The following RERE variants were observed in gnomAD, a reference collection of about 807,000 sequenced individuals.
RERE encodes the protein arginine-glutamic acid dipeptide repeats protein.
In RERE, 40 loss-of-function variants were observed where a neutral mutation model predicts 146.1. The observed-to-expected ratio is 0.27, with a 90% CI of 0.21 to 0.36. The LOEUF is 0.36. Ranked by LOEUF, RERE falls within the 10% of genes least tolerant of loss-of-function variation. The pLI, the probability that RERE is intolerant of heterozygous loss-of-function variation, is 1.00. For missense variants in RERE, 1,933 were observed against 2,138.7 expected, an observed-to-expected ratio of 0.90 and a Z score of 1.90; for synonymous variants, 1,003 against 866.0, an observed-to-expected ratio of 1.16 and a Z score of -2.78.
chr1:8,602,391 A>C (rs1469215962), intron 4 of RERE, among the ~76,000 whole-genome samples: 1 of 24,336 alleles, frequency 4.1e-5, no homozygotes, highest in Non-Finnish European at 1.0e-4. Flanking sequence ...ACTCCATCTC[A>C]AAAAAAAAAA....
intron 8 of RERE, among the ~76,000 whole-genome samples, chr1:8,502,463 T>TGGG (rs1321278952): frequency 8.9e-6 from 1 of 112,318 alleles, no homozygotes; most frequent in Non-Finnish European, 1.8e-5. Flanking sequence ...GGGAGGGTGG[T>TGGG]GGGGGGGTCA....
intron 6 of RERE, among the ~76,000 whole-genome samples, chr1:8,549,147 C>T (rs1645902833): frequency 6.6e-6 from 1 of 152,154 alleles, no homozygotes; most frequent in South Asian, 2.1e-4. Context: ...AGTAGTAACA[C>T]ACATGCCTAA....
At chr1:8,377,476 T>C (rs1031118179) in intron 12 of RERE, among the ~76,000 whole-genome samples, 1 of 152,232 alleles carries the variant, frequency 6.6e-6, no homozygotes, top group Non-Finnish European at 1.5e-5. Flanking sequence ...CACTTCATTA[T>C]TTCCTGAATT....
At position 8,361,805 on chromosome 1, in the gene RERE, C is replaced by T. The variant is rs768030557; in HGVS notation, c.1974G>A (p.Thr658=). ...TGGAGCTGGTCCTGTCAGCCTCCTCCGTATCAGAGGCCACCTTCTCCCGCT... is the reference window on the plus strand; with the variant it reads ...TGGAGCTGGTCCTGTCAGCCTCCTCTGTATCAGAGGCCACCTTCTCCCGCT... The part of the protein sequence containing the change: ...KRQREKVASD[T]EEADRTSSKK... Residue 658 remains threonine, a synonymous_variant, in exon 17 of 23, where the codon ACG becomes ACA. Transcript: ENST00000400908. 5.6e-6 allele frequency: 9 copies of T among 1,614,064 alleles called. No individual in the cohort carries two copies. The highest frequency in any genetic ancestry group is 2.2e-5 in the East Asian group (1 of 44,884).
At chr1:8,642,922 T>C (rs1214340749) in intron 2 of RERE, among the ~76,000 whole-genome samples, 1 of 152,134 alleles carries the variant, frequency 6.6e-6, no homozygotes, top group Non-Finnish European at 1.5e-5. Context: ...AGCACTCACA[T>C]CTAGCAGCTA....
chr1:8,686,935 A>G (rs1380511024), intron 1 of RERE, among the ~76,000 whole-genome samples: 4 of 152,202 alleles, frequency 2.6e-5, no homozygotes, highest in Non-Finnish European at 5.9e-5. Flanking sequence ...CAGTCAGTGC[A>G]GAGGCCTTAG....
intron 1 of RERE, among the ~76,000 whole-genome samples, chr1:8,694,077 C>T (rs1204331197): frequency 6.7e-6 from 1 of 148,656 alleles, no homozygotes; most frequent in Admixed American, 6.7e-5. Context: ...TTACATTTTC[C>T]GCACTTTTAG....
chr1:8,677,463 A>G (rs1638869452), intron 1 of RERE, among the ~76,000 whole-genome samples: 2 of 152,020 alleles, frequency 1.3e-5, no homozygotes, highest in South Asian at 4.2e-4. Context: ...AGAAAAAAAA[A>G]AAAAAAGAAA....
intron 6 of RERE, among the ~76,000 whole-genome samples, chr1:8,555,537 G>GT (rs1645997415): frequency 6.6e-6 from 1 of 152,122 alleles, no homozygotes; most frequent in Non-Finnish European, 1.5e-5. Context: ...AGAAATTATT[G>GT]TAACTCATTG....
rs763858262 is a variant in RERE, at chr1:8,361,287, G to A, written c.2220C>T (p.Ala740=). The part of the protein sequence containing the change: ...QQQMLQAQPP[A]LQAPTGVTPA... Reference sequence around the variant, plus strand: ...GGGTGACCCCAGTGGGAGCCTGCAAGGCTGGGGGCTGGGCCTGCAGCATCT... The same window carrying A: ...GGGTGACCCCAGTGGGAGCCTGCAAAGCTGGGGGCTGGGCCTGCAGCATCT... The change falls in exon 18 of 23, where the codon GCC becomes GCT. Residue 740 remains alanine, a synonymous_variant. Transcript: ENST00000400908. The A allele has an allele frequency of 7.5e-5, 120 of 1,602,790 alleles. No individual in the cohort carries two copies. Among genetic ancestry groups the A allele is most frequent in the Non-Finnish European group, 9.9e-5 (116 of 1,174,686 alleles).
chr1:8,466,556 G>A (rs549908348), intron 10 of RERE, among the ~76,000 whole-genome samples: 2 of 152,108 alleles, frequency 1.3e-5, no homozygotes, highest in Admixed American at 6.5e-5. Flanking sequence ...GCAAAGCAGC[G>A]TAAAGTCACA....
Position 8,742,955 on chromosome 1 carries a change from G to A in RERE, c.-145+74205C>T, listed in dbSNP as rs1249893890. Among the ~76,000 whole-genome samples the A allele has an allele frequency of 2.0e-5, 3 of 151,912 alleles. No individual in the cohort carries two copies. In the East Asian group the frequency reaches 5.8e-4, roughly 29 times the overall value. On this transcript the variant is annotated intron_variant, in intron 1 of 22. Transcript: ENST00000400908. ...TTATATCATTCTCACAGTCTAAAGG[G>A]GGGAAAAACTTAGGATACAAACAGA...
At chr1:8,503,900 T>C (rs576321145) in intron 8 of RERE, among the ~76,000 whole-genome samples, 3 of 152,344 alleles carry the variant, frequency 2.0e-5, no homozygotes, top group East Asian at 3.8e-4. Context: ...GGCTGTTATA[T>C]GTGTATTATG....
chr1:8,385,998 A>T (rs1427975455), intron 12 of RERE, among the ~76,000 whole-genome samples: 3 of 25,732 alleles, frequency 1.2e-4, no homozygotes, highest in South Asian at 2.0e-3. Flanking sequence ...AAAAAAATAT[A>T]TATATATATA....
chr1:8,475,947 G>A (rs1473349661), intron 10 of RERE, among the ~76,000 whole-genome samples: 1 of 152,148 alleles, frequency 6.6e-6, no homozygotes, highest in African/African-American at 2.4e-5. Context: ...CAGGGATAAT[G>A]GAAAAGACAA....
chr1:8,395,364 A>G (rs1239172677), intron 12 of RERE, among the ~76,000 whole-genome samples: 1 of 151,804 alleles, frequency 6.6e-6, no homozygotes, highest in Non-Finnish European at 1.5e-5. Context: ...AGTCCCAGCT[A>G]CTCGGGAGGC....
At chr1:8,379,301 G>A (rs1050939293) in intron 12 of RERE, among the ~76,000 whole-genome samples, 28 of 152,192 alleles carry the variant, frequency 1.8e-4, no homozygotes, top group African/African-American at 5.3e-4. Flanking sequence ...GGCCCGCCCC[G>A]CACAGCCTCC....
intron 7 of RERE, among the ~76,000 whole-genome samples, chr1:8,533,088 T>C (rs909113467): frequency 6.6e-6 from 1 of 152,250 alleles, no homozygotes; most frequent in Non-Finnish European, 1.5e-5. Context: ...ATGCAAATTA[T>C]AAAAACTGCC....
intron 1 of RERE, among the ~76,000 whole-genome samples, chr1:8,741,482 G>A (rs1640306489): frequency 6.6e-6 from 1 of 152,188 alleles, no homozygotes; most frequent in South Asian, 2.1e-4. Context: ...ACCAGGTGGA[G>A]GTAACTGAAT....
Sources: gnomAD v4.1 joint callset for allele counts (sites outside exome capture counted in the v4.1 genomes callset) on GRCh38, gnomAD v4.1.1 for gene constraint, MANE v1.5 for transcripts, NCBI Gene and HGNC (gene_info 2026-07-23, HGNC 2026-07-21) for gene names.